Variants in TENM2 observed in about 807,000 individuals in gnomAD.
TENM2 encodes the protein teneurin-2.
In TENM2, 52 loss-of-function variants were observed where a neutral mutation model predicts 245.2. The observed-to-expected ratio is 0.21, with a 90% CI of 0.17 to 0.27. The LOEUF is 0.27. TENM2 is among the 10% of genes least tolerant of loss of function. TENM2 has a pLI of 1.00. For synonymous variants in TENM2, 1,363 were observed against 1,438.9 expected (o/e 0.95, Z 1.19); for missense variants, 3,046 against 3,666.8 (o/e 0.83, Z 4.37).
chr5:168,214,760 C>T (rs552707143), intron 20 of TENM2: 5 of 525,548 alleles, frequency 9.5e-6, no homozygotes, highest in South Asian at 1.5e-5. Context: ...AAAACAGGAT[C>T]GGAGTGGGAG....
chr5:167,435,975 C>CTTTTTTTTTTTTT (rs71591181), intron 2 of TENM2, among the ~76,000 whole-genome samples: 14 of 83,158 alleles, frequency 1.7e-4, no homozygotes, highest in Non-Finnish European at 3.0e-4. Flanking sequence ...CTTTTTTTTT[C>CTTTTTTTTTTTTT]TTTTTTTTTT....
chr5:167,701,397 G>GC (rs1374158592), intron 2 of TENM2, among the ~76,000 whole-genome samples: 4 of 144,812 alleles, frequency 2.8e-5, no homozygotes, highest in African/African-American at 7.6e-5. Context: ...TTGGGTGTTT[G>GC]TTTTTTTTTT....
chr5:167,452,155 C>T lies in TENM2; in HGVS notation c.502+76682C>T, dbSNP rs1422571330. 2.6e-5 allele frequency among the ~76,000 whole-genome samples: 4 copies of T among 152,124 alleles called. No individual in the cohort carries two copies. In the East Asian group the frequency reaches 7.7e-4, roughly 29 times the overall value. On this transcript the variant is annotated intron_variant, in intron 2 of 28. Transcript: ENST00000518659. Reference sequence around the variant, plus strand: ...GATCTAATAGAATTGGAAATATTGGCTCAAATCAGCTATGTACTTGCTTCT... The same window carrying T: ...GATCTAATAGAATTGGAAATATTGGTTCAAATCAGCTATGTACTTGCTTCT...
intron 2 of TENM2, among the ~76,000 whole-genome samples, chr5:167,510,287 C>A (rs898667424): frequency 6.6e-5 from 10 of 152,166 alleles, no homozygotes; most frequent in Admixed American, 3.3e-4. Context: ...CTTGTCACAT[C>A]TCTAAAGCAA....
At chr5:167,065,020 G>A in the TENM2 span, among the ~76,000 whole-genome samples, 91,300 of 151,524 alleles carry the variant, frequency 0.6, 29,960 homozygotes, top group African/African-American at 0.88. Flanking sequence ...GAGAATTTGC[G>A]TTTTAAAGGG....
intron 15 of TENM2, among the ~76,000 whole-genome samples, chr5:168,195,552 G>GTGTA (rs1491121467): frequency 0.012 from 39 of 3,180 alleles, 2 homozygotes; most frequent in East Asian, 0.14. Context: ...GTCAATGCAC[G>GTGTA]TGTGTGTGTG....
rs562127424 is a variant in TENM2 at position 167,724,286 on chromosome 5, T to C, written c.503-151700T>C. Among the ~76,000 whole-genome samples, 43 of 151,860 alleles carry C rather than the reference T, an allele frequency of 2.8e-4. 1 individual carries two copies. In the South Asian group the frequency reaches 5.0e-3, roughly 18 times the overall value. On this transcript the variant is annotated intron_variant, in intron 2 of 28. Transcript: ENST00000518659. ...AAAAGACAATCTGTGGATAAATTACTAGTTTTTTTTTTTTTTCCCATGTAC... is the reference window on the plus strand; with the variant it reads ...AAAAGACAATCTGTGGATAAATTACCAGTTTTTTTTTTTTTTCCCATGTAC...
chr5:167,886,606 T>G (rs149716664), intron 3 of TENM2, among the ~76,000 whole-genome samples: 3,365 of 152,268 alleles, frequency 0.022, 127 homozygotes, highest in African/African-American at 0.076. Flanking sequence ...TAATTAGCTA[T>G]AAAAAGGTAA....
chr5:167,376,909 A>C (rs2127318025), intron 2 of TENM2, among the ~76,000 whole-genome samples: 1 of 152,234 alleles, frequency 6.6e-6, no homozygotes, highest in East Asian at 1.9e-4. Context: ...ATTGCCTAAT[A>C]AATAAAATCA....
chr5:168,054,182 A>G (rs1346394690), intron 6 of TENM2, among the ~76,000 whole-genome samples: 1 of 152,232 alleles, frequency 6.6e-6, no homozygotes, highest in Non-Finnish European at 1.5e-5. Context: ...CCAAGAGCTG[A>G]AACATTTTCT....
chr5:168,186,040 C>G (rs1760399083), intron 13 of TENM2: 1 of 147,498 alleles, frequency 6.8e-6, no homozygotes, highest in Non-Finnish European at 1.5e-5. Flanking sequence ...CATCACATAA[C>G]CCTATGGCAT....
chr5:168,206,680 C>G (rs1489508539), intron 19 of TENM2, among the ~76,000 whole-genome samples: 13 of 152,128 alleles, frequency 8.5e-5, no homozygotes, highest in Admixed American at 7.9e-4. Flanking sequence ...GATTCCCTTC[C>G]CAAGATGTTG....
chr5:167,508,622 T>G (rs992575643), intron 2 of TENM2, among the ~76,000 whole-genome samples: 1 of 152,206 alleles, frequency 6.6e-6, no homozygotes, highest in African/African-American at 2.4e-5. Flanking sequence ...TATACTGCAT[T>G]GTAACCTGTC....
chr5:167,413,296 CTGAT>C, intron 2 of TENM2, among the ~76,000 whole-genome samples: 1 of 152,120 alleles, frequency 6.6e-6, no homozygotes, highest in South Asian at 2.1e-4. Flanking sequence ...ATGTAGGTCT[CTGAT>C]TGAGTAATGA....
At chr5:167,908,745 G>A (rs1776316602) in intron 3 of TENM2, among the ~76,000 whole-genome samples, 2 of 149,112 alleles carry the variant, frequency 1.3e-5, no homozygotes, top group South Asian at 2.2e-4. Context: ...TCAGCATATA[G>A]GTTCTCAACA....
chr5:167,225,393 A>G, the TENM2 span, among the ~76,000 whole-genome samples: 5 of 152,072 alleles, frequency 3.3e-5, no homozygotes, highest in African/African-American at 1.2e-4. Flanking sequence ...TGTTTTGTCA[A>G]ATGCTTTTTC....
At chr5:168,014,236 T>C (rs1333245867) in intron 5 of TENM2, among the ~76,000 whole-genome samples, 1 of 152,228 alleles carries the variant, frequency 6.6e-6, no homozygotes, top group African/African-American at 2.4e-5. Context: ...ATTTACTACA[T>C]GCTAAGCAGT....
chr5:167,429,607 C>CTTTTTT (rs10587909), intron 2 of TENM2, among the ~76,000 whole-genome samples: 7 of 78,722 alleles, frequency 8.9e-5, no homozygotes, highest in Non-Finnish European at 1.7e-4. Flanking sequence ...CTCTCTCTCT[C>CTTTTTT]TTTTTTTTTT....
chr5:167,284,145 G>A (rs1350284852), upstream of TENM2, among the ~76,000 whole-genome samples: 1 of 152,142 alleles, frequency 6.6e-6, no homozygotes, highest in Non-Finnish European at 1.5e-5. Flanking sequence ...GAAAAAACTG[G>A]GAGTTTGCCA....
Sources: allele counts gnomAD v4.1 joint callset (sites outside exome capture counted in the v4.1 genomes callset), GRCh38; gene constraint gnomAD v4.1.1; transcripts MANE v1.5; gene names NCBI Gene and HGNC (gene_info 2026-07-23, HGNC 2026-07-21).